The following PTCHD1 variants were observed in gnomAD, a reference collection of about 807,000 sequenced individuals.
PTCHD1 encodes patched domain containing 1, also known as patched domain-containing protein 1.
In PTCHD1, 3 loss-of-function variants were observed where a neutral mutation model predicts 34.6. The observed-to-expected ratio is 0.09, with a 90% CI of 0.04 to 0.22. The LOEUF (loss-of-function observed/expected upper bound fraction) is 0.22, where lower values mean the gene tolerates loss of function less well. Ranked by LOEUF, PTCHD1 falls within the 10% of genes least tolerant of loss-of-function variation. The pLI is 1.00. For missense variants in PTCHD1, 504 were observed against 685.5 expected (o/e 0.74, Z 2.96); for synonymous variants, 305 against 283.1 (o/e 1.08, Z -0.77).
intron 2 of PTCHD1, among the ~76,000 whole-genome samples, chrX:23,384,900 C>G (rs1922648959): frequency 8.9e-6 from 1 of 111,812 alleles, no homozygotes; most frequent in Non-Finnish European, 1.9e-5. Flanking sequence ...TTCAGCCTAA[C>G]ACATTATTGT....
chrX:23,374,295 AAAAAAAAAAAAAAAC>A (rs1490877065), intron 1 of PTCHD1, among the ~76,000 whole-genome samples: 9 of 98,286 alleles, frequency 9.2e-5, no homozygotes, highest in Non-Finnish European at 1.6e-4. Context: ...AAAAAAAAAA[AAAAAAAAAAAAAAAC>A]CCAAAACCCT....
At chrX:23,371,115 G>T (rs908386019) in intron 1 of PTCHD1, among the ~76,000 whole-genome samples, 1 of 111,632 alleles carries the variant, frequency 9.0e-6, no homozygotes, top group Non-Finnish European at 1.9e-5. Context: ...AATTTCATAT[G>T]GTTTAACCTA....
At chrX:23,345,668 C>A (rs766702562) in intron 1 of PTCHD1, among the ~76,000 whole-genome samples, 129 of 111,320 alleles carry the variant, frequency 1.2e-3, no homozygotes, top group Non-Finnish European at 2.1e-3. Context: ...CAAGGTGATG[C>A]TGTTCTTGCT....
In PTCHD1 at chrX:23,363,108, G is replaced by A. The variant is rs1048631455; in HGVS notation, c.352-16483G>A. The stretch of plus-strand genomic sequence containing the variant: ...CCCAGTTAGGCTACACGGGTGTCAG[G>A]GACCCACTTGAGGAGGCAGTCTGTC... On this transcript the variant is annotated intron_variant, in intron 1 of 2. Transcript: ENST00000379361. Among the ~76,000 whole-genome samples the A allele has an allele frequency of 8.9e-5, 10 of 112,386 alleles. No individual in the cohort carries two copies. In the Admixed American group the frequency reaches 9.4e-4, roughly 11 times the overall value.
At chrX:23,335,961 G>C (rs1921159938) in intron 1 of PTCHD1, among the ~76,000 whole-genome samples, 1 of 111,892 alleles carries the variant, frequency 8.9e-6, no homozygotes, top group South Asian at 3.9e-4. Context: ...AGAGGGAACC[G>C]ATCAATCCAC....
chrX:23,399,923 T>C lies in PTCHD1; in HGVS notation c.*5738T>C, dbSNP rs958479661. ...GGCAGCAGCCAACAAAGCCAACATA[T>C]AGAAGTGTGCCCTGTCAAAGAACCA... is the stretch of plus-strand genomic sequence containing the variant. On this transcript the variant is annotated 3_prime_UTR_variant, in exon 3 of 3. Coordinates refer to ENST00000379361, the MANE Select transcript of PTCHD1 (RefSeq NM_173495.3). The C allele has an allele frequency of 1.8e-5, 2 of 111,449 alleles. No individual in the cohort carries two copies. Among genetic ancestry groups the C allele is most frequent in the South Asian group, 3.8e-4 (1 of 2,633 alleles). 9.2% of individuals were successfully genotyped at this position (111,449 alleles called of 1,213,427 possible).
chrX:23,363,400 G>C (rs748826838), intron 1 of PTCHD1, among the ~76,000 whole-genome samples: 1 of 112,912 alleles, frequency 8.9e-6, no homozygotes, highest in East Asian at 2.8e-4. Flanking sequence ...CTCGCAGGTC[G>C]ATCTCAGACT....
At chrX:23,375,165 A>G (rs1014320942) in intron 1 of PTCHD1, among the ~76,000 whole-genome samples, 3 of 112,177 alleles carry the variant, frequency 2.7e-5, no homozygotes, top group Non-Finnish European at 3.8e-5. Context: ...CTGTCTGAAC[A>G]TGAGTTTAGC....
In PTCHD1 at chrX:23,335,171, C is replaced by T. The variant is rs760138745; in HGVS notation, c.296C>T (p.Thr99Ile). 3 of 1,212,161 alleles carry T rather than the reference C, an allele frequency of 2.5e-6. No individual in the cohort carries two copies. The highest frequency in any genetic ancestry group is 1.8e-5 in the South Asian group (1 of 57,028). Reference sequence around the variant, plus strand: ...GGGCGCTACGGCCGGGTCATCGTCACCTCCTTCCAGAAAGCCAACATGCTG... The same window carrying T: ...GGGCGCTACGGCCGGGTCATCGTCATCTCCTTCCAGAAAGCCAACATGCTG... ...TPGRYGRVIV[T>I]SFQKANMLDQ... is the part of the protein sequence containing the mutation. The change falls in exon 1 of 3, where the codon ACC becomes ATC. Residue 99 changes from threonine (T) to isoleucine (I), a missense_variant. Thr to Ile is a moderately conservative substitution (Grantham distance 89). Transcript: ENST00000379361.
chrX:23,336,842 C>T (rs1456455863), intron 1 of PTCHD1, among the ~76,000 whole-genome samples: 2 of 111,985 alleles, frequency 1.8e-5, no homozygotes, highest in South Asian at 3.8e-4. Flanking sequence ...ATAGTAGATT[C>T]ATCATGGGCA....
intron 1 of PTCHD1, among the ~76,000 whole-genome samples, chrX:23,378,411 C>T (rs1922466746): frequency 8.9e-6 from 1 of 112,213 alleles, no homozygotes; most frequent in South Asian, 3.7e-4. Context: ...CCCTCGACTA[C>T]CTTGTTTTCT....
chrX:23,354,573 CT>C (rs1205812443), intron 1 of PTCHD1, among the ~76,000 whole-genome samples: 59 of 86,586 alleles, frequency 6.8e-4, no homozygotes, highest in East Asian at 3.5e-3. Context: ...AGGTGAAATT[CT>C]TTTTTTTTTT....
At chrX:23,336,823 C>A (rs12858687) in intron 1 of PTCHD1, among the ~76,000 whole-genome samples, 13,291 of 111,559 alleles carry the variant, frequency 0.12, 1,069 homozygotes, top group East Asian at 0.51. Context: ...AGCTTTCCCA[C>A]GAAAACACAT....
chrX:23,381,141 C>G (rs1339782806), intron 2 of PTCHD1, among the ~76,000 whole-genome samples: 1 of 112,040 alleles, frequency 8.9e-6, no homozygotes, highest in Non-Finnish European at 1.9e-5. Context: ...TTTTCCTATT[C>G]TTACTATGAA....
At position 23,380,182 on chromosome X, in the gene PTCHD1, G is replaced by T. The variant is rs746732056; in HGVS notation, c.943G>T (p.Ala315Ser). 8.3e-7 allele frequency: 1 copy of T among 1,211,307 alleles called. No homozygotes were observed. The highest frequency in any genetic ancestry group is 1.1e-6 in the Non-Finnish European group (1 of 895,300). Residue 315 changes from alanine to serine, a missense_variant, in exon 2 of 3, where the codon GCC becomes TCC. Physicochemically the swap from Ala to Ser is moderately conservative, Grantham distance 99. Transcript: ENST00000379361. The part of the protein sequence containing the change: ...VTISLATLTA[A>S]GIINLTGGKY... Reference sequence around the variant, plus strand: ...CATAAGCCTGGCCACTCTCACTGCAGCCGGGATCATCAATCTTACTGGTGG... The same window carrying T: ...CATAAGCCTGGCCACTCTCACTGCATCCGGGATCATCAATCTTACTGGTGG...
At chrX:23,353,481 C>T (rs755792896) in intron 1 of PTCHD1, among the ~76,000 whole-genome samples, 2 of 112,412 alleles carry the variant, frequency 1.8e-5, no homozygotes, top group South Asian at 3.7e-4. Flanking sequence ...CCCAGCTACG[C>T]GGGAGGCTGA....
intron 1 of PTCHD1, among the ~76,000 whole-genome samples, chrX:23,359,655 G>C (rs1487236005): frequency 6.3e-5 from 7 of 111,863 alleles, no homozygotes; most frequent in Admixed American, 5.7e-4. Context: ...TCTCTTGCCT[G>C]ATTGCCCTGG....
intron 2 of PTCHD1, among the ~76,000 whole-genome samples, chrX:23,389,531 G>A (rs1355316351): frequency 8.9e-6 from 1 of 112,035 alleles, no homozygotes; most frequent in East Asian, 2.8e-4. Flanking sequence ...TTGGGGATTC[G>A]GGTGTAGCAA....
chrX:23,351,424 G>T, intron 1 of PTCHD1: 1 of 560,270 alleles, frequency 1.8e-6, no homozygotes, highest in Non-Finnish European at 3.2e-6. Flanking sequence ...AAGATGACTA[G>T]CACAGAACCC....
Sources: gnomAD v4.1 joint callset for allele counts (sites outside exome capture counted in the v4.1 genomes callset) on GRCh38, gnomAD v4.1.1 for gene constraint, MANE v1.5 for transcripts, NCBI Gene and HGNC (gene_info 2026-07-23, HGNC 2026-07-21) for gene names.